NFASC: variants seen among roughly 807,000 people sequenced by gnomAD.
The protein encoded by NFASC is neurofascin.
NFASC carries 43 observed loss-of-function variants against 147.5 expected under a neutral mutation model. The observed-to-expected ratio is 0.29, with a 90% CI of 0.23 to 0.38. The LOEUF (loss-of-function observed/expected upper bound fraction) is 0.38, where lower values mean the gene tolerates loss of function less well. NFASC is among the 10% of genes least tolerant of loss of function. The probability of loss-of-function intolerance (pLI) is 1.00; values close to 1 mark genes in which losing one functional copy is unlikely to be tolerated. For synonymous variants in NFASC, 622 were observed against 665.5 expected (o/e 0.93, Z 1.01); for missense variants, 1,320 against 1,689.0 (o/e 0.78, Z 3.83).
At chr1:204,851,222 T>G (rs1194589992) in intron 1 of NFASC, among the ~76,000 whole-genome samples, 1 of 152,246 alleles carries the variant, frequency 6.6e-6, no homozygotes, top group African/African-American at 2.4e-5. Flanking sequence ...TGAGAGCAGC[T>G]TTTGACTATT....
intron 10 of NFASC, among the ~76,000 whole-genome samples, chr1:204,969,386 G>A (rs2095126204): frequency 6.6e-6 from 1 of 152,148 alleles, no homozygotes; most frequent in African/African-American, 2.4e-5. Context: ...TTAAAACTGG[G>A]GAGTGGTCAT....
At position 204,981,881 on chromosome 1, in the gene NFASC, C is replaced by T. The variant is rs764574397; in HGVS notation, c.2331C>T (p.Asn777=). Residue 777 remains asparagine, a synonymous_variant, in exon 21 of 30, where the codon AAC becomes AAT. Coordinates refer to ENST00000339876, the MANE Select transcript of NFASC (RefSeq NM_001005388.3). ...GGAGAGAGACTCGAGAGGCCTGGAA[C>T]AACGTCACAGTGTGGGGCTCTCGCT... ...WRRRETREAW[N]NVTVWGSRYV... is the part of the protein sequence containing the mutation. The T allele has an allele frequency of 1.2e-6, 2 of 1,607,286 alleles. No homozygotes were observed. Among genetic ancestry groups the T allele is most frequent in the East Asian group, 4.5e-5 (2 of 44,286 alleles).
chr1:204,952,587 G>A (rs959570929), intron 5 of NFASC, among the ~76,000 whole-genome samples: 4 of 152,116 alleles, frequency 2.6e-5, no homozygotes, highest in Non-Finnish European at 5.9e-5. Context: ...CGTTTTGTTC[G>A]ACCACCTAAC....
At chr1:204,892,214 T>C (rs1395625857) in intron 1 of NFASC, among the ~76,000 whole-genome samples, 8 of 152,250 alleles carry the variant, frequency 5.3e-5, no homozygotes, top group African/African-American at 1.9e-4. Context: ...CCCTTCTTTA[T>C]CCACCTTGAA....
chr1:204,840,159 C>T (rs534802532), intron 1 of NFASC, among the ~76,000 whole-genome samples: 1 of 152,312 alleles, frequency 6.6e-6, no homozygotes, highest in African/African-American at 2.4e-5. Context: ...TGAGATTCTG[C>T]TTTTCCAACA....
chr1:204,939,044 G>GA (rs1558170741), intron 2 of NFASC, among the ~76,000 whole-genome samples: 10 of 147,754 alleles, frequency 6.8e-5, no homozygotes, highest in Admixed American at 4.0e-4. Flanking sequence ...ATGGATGTGT[G>GA]TGTGTGTGTG....
chr1:204,830,867 A>G (rs1234366546), intron 1 of NFASC, among the ~76,000 whole-genome samples: 1 of 152,180 alleles, frequency 6.6e-6, no homozygotes, highest in Admixed American at 6.5e-5. Context: ...TCACTTTAGG[A>G]ATCCAAGTGA....
chr1:204,930,948 G>A (rs2092315094), intron 2 of NFASC, among the ~76,000 whole-genome samples: 1 of 152,150 alleles, frequency 6.6e-6, no homozygotes, highest in Non-Finnish European at 1.5e-5. Context: ...GGGCTGCTCT[G>A]AGAAGGCAGA....
chr1:204,952,648 T>A (rs919998542), intron 5 of NFASC, among the ~76,000 whole-genome samples: 2 of 152,106 alleles, frequency 1.3e-5, no homozygotes, highest in African/African-American at 4.8e-5. Flanking sequence ...GGAAAAGGGG[T>A]ACAAAGGTCC....
At position 205,017,982 on chromosome 1, in the gene NFASC, A is replaced by G. The variant is rs1330067361; in HGVS notation, c.*1443A>G. ...TCCAGGAGAGCAGGGCAGCCTATGCAAGTGTTCCGGCAGGACCAGAAGTGG... is the reference window on the plus strand; with the variant it reads ...TCCAGGAGAGCAGGGCAGCCTATGCGAGTGTTCCGGCAGGACCAGAAGTGG... On this transcript the variant is annotated 3_prime_UTR_variant, in exon 30 of 30. Transcript: ENST00000339876. 3 of 152,812 alleles carry G rather than the reference A, an allele frequency of 2.0e-5. No homozygotes were observed. Among genetic ancestry groups the G allele is most frequent in the African/African-American group, 7.2e-5 (3 of 41,448 alleles). The allele number at this position is 152,812 out of a possible 1,614,324, so 9.5% of individuals were successfully genotyped here.
intron 1 of NFASC, among the ~76,000 whole-genome samples, chr1:204,910,868 A>G (rs1396876931): frequency 6.6e-6 from 1 of 151,970 alleles, no homozygotes; most frequent in Non-Finnish European, 1.5e-5. Flanking sequence ...GTAGACCATC[A>G]TAGTATCTGC....
In NFASC at chr1:204,889,710, A is replaced by G. The variant is rs141586325; in HGVS notation, c.-199-30922A>G. Among the ~76,000 whole-genome samples the G allele has an allele frequency of 7.6e-4, 116 of 152,246 alleles. 1 individual carries two copies. The highest frequency in any genetic ancestry group is 4.4e-3 in the South Asian group (21 of 4,822). On this transcript the variant is annotated intron_variant, in intron 1 of 29. Transcript: ENST00000339876. ...GCAATATCCTTGTTTCCTTTCCTCA[A>G]TTAGAATGGAGGCTTCTCAGAGATC...
intron 1 of NFASC, among the ~76,000 whole-genome samples, chr1:204,852,289 AG>A (rs2075766791): frequency 6.6e-6 from 1 of 152,218 alleles, no homozygotes; most frequent in Admixed American, 6.5e-5. Flanking sequence ...ATCTGAGGTC[AG>A]GAGTTCAAGA....
intron 5 of NFASC, among the ~76,000 whole-genome samples, chr1:204,953,517 C>T (rs1208217125): frequency 1.3e-5 from 2 of 152,116 alleles, no homozygotes; most frequent in African/African-American, 4.8e-5. Flanking sequence ...AGGATGGTCT[C>T]GATCTCCTGA....
At chr1:204,863,380 G>A (rs1206232738) in intron 1 of NFASC, among the ~76,000 whole-genome samples, 1 of 152,216 alleles carries the variant, frequency 6.6e-6, no homozygotes, top group African/African-American at 2.4e-5. Context: ...AGTGAAGGAT[G>A]TTGCAGTGAT....
rs142639463 is a variant in NFASC, at chr1:204,930,671, A to C, written c.-91+9931A>C. Among the ~76,000 whole-genome samples the C allele has an allele frequency of 2.7e-3, 414 of 152,354 alleles. 3 individuals are homozygous for C. Among genetic ancestry groups the C allele is most frequent in the South Asian group, 0.014 (70 of 4,830 alleles). ...TGGGGCATGCTAGGAAGCACAAGAG[A>C]AACTGCCACCCACTTTCAATGGGAA... On this transcript the variant is annotated intron_variant, in intron 2 of 29. Transcript: ENST00000339876.
At chr1:204,931,809 C>G (rs1425969378) in intron 2 of NFASC, among the ~76,000 whole-genome samples, 1 of 152,132 alleles carries the variant, frequency 6.6e-6, no homozygotes, top group Non-Finnish European at 1.5e-5. Context: ...GTTTCCCAAG[C>G]TAGAAACCTT....
At chr1:204,952,255 G>T (rs1272567700) in intron 5 of NFASC, 139 bp downstream of exon 5, 4 of 652,884 alleles carry the variant, frequency 6.1e-6, no homozygotes, top group Admixed American at 5.4e-5. Flanking sequence ...TAGGTGGAAG[G>T]CATAATTGAG....
chr1:204,855,766 G>A (rs1175829940), intron 1 of NFASC, among the ~76,000 whole-genome samples: 2 of 152,136 alleles, frequency 1.3e-5, no homozygotes, highest in East Asian at 3.9e-4. Context: ...CCTAGAAGCA[G>A]GAGTTTTAGA....
Sources: gnomAD v4.1 joint callset for allele counts (sites outside exome capture counted in the v4.1 genomes callset) on GRCh38, gnomAD v4.1.1 for gene constraint, MANE v1.5 for transcripts, NCBI Gene and HGNC (gene_info 2026-07-23, HGNC 2026-07-21) for gene names.